Variants in TMPRSS11A observed in about 807,000 individuals in gnomAD.
The protein encoded by TMPRSS11A is transmembrane serine protease 11A.
A neutral mutation model predicts 58.9 loss-of-function variants in TMPRSS11A; 53 were observed. The observed-to-expected ratio is 0.90, with a 90% confidence interval of 0.72 to 1.13. TMPRSS11A has a LOEUF of 1.13. Ranked by LOEUF, TMPRSS11A falls within the 50% of genes most tolerant of loss-of-function variation. The pLI, the probability that TMPRSS11A is intolerant of heterozygous loss-of-function variation, is 0.00. For missense variants in TMPRSS11A, 493 were observed against 499.3 expected (o/e 0.99, Z 0.12); for synonymous variants, 167 against 169.8 (o/e 0.98, Z 0.13).
In TMPRSS11A at chr4:67,910,556, T is replaced by G. The variant is rs915671391; in HGVS notation, c.*786A>C. ...ATGTCAAATTTCTTATGCCGGTGTTTTGGGACTAATGAAATTACCATCACC... is the reference window on the plus strand; with the variant it reads ...ATGTCAAATTTCTTATGCCGGTGTTGTGGGACTAATGAAATTACCATCACC... On this transcript the variant is annotated 3_prime_UTR_variant, in exon 10 of 10. Coordinates refer to ENST00000508048, the MANE Select transcript of TMPRSS11A (RefSeq NM_001114387.2). 2.0e-5 allele frequency: 3 copies of G among 152,078 alleles called. No individual in the cohort carries two copies. Among genetic ancestry groups the G allele is most frequent in the Admixed American group, 6.6e-5 (1 of 15,266 alleles). The allele number at this position is 152,078 out of a possible 1,614,324, so 9.4% of individuals were successfully genotyped here. A position where few individuals can be genotyped will look rare whatever the true frequency, so the allele number is the denominator to read the frequency against.
intron 1 of TMPRSS11A, 94 bp downstream of exon 1, chr4:67,963,289 G>A (rs924129768): frequency 2.3e-6 from 3 of 1,286,420 alleles, no homozygotes; most frequent in African/African-American, 1.5e-5. Context: ...ATCCACCAAA[G>A]ACACCTCACT....
At chr4:67,915,586 A>G (rs953878979) in intron 8 of TMPRSS11A, among the ~76,000 whole-genome samples, 1 of 152,234 alleles carries the variant, frequency 6.6e-6, no homozygotes. Flanking sequence ...GAATTCATCA[A>G]AAGGAGATTA....
intron 1 of TMPRSS11A, among the ~76,000 whole-genome samples, chr4:67,950,317 C>G (rs967555537): frequency 6.6e-6 from 1 of 152,224 alleles, no homozygotes; most frequent in Non-Finnish European, 1.5e-5. Flanking sequence ...AGAGGCCTCT[C>G]TCAGCTCCCA....
intron 9 of TMPRSS11A, 67 bp from the exon 10 acceptor site, chr4:67,911,570 T>C: frequency 7.5e-7 from 1 of 1,333,420 alleles, no homozygotes; most frequent in African/African-American, 1.5e-5. Context: ...ATTTAAGATA[T>C]TTTGATGAAT....
chr4:67,939,091 A>G (rs1292728836), intron 3 of TMPRSS11A, among the ~76,000 whole-genome samples: 1 of 152,046 alleles, frequency 6.6e-6, no homozygotes, highest in Non-Finnish European at 1.5e-5. Flanking sequence ...GATTTCTTTC[A>G]ATAGTGTTTT....
At chr4:67,919,373 A>G (rs1720258381) in intron 7 of TMPRSS11A, 141 bp from the exon 8 acceptor site, 1 of 708,068 alleles carries the variant, frequency 1.4e-6, no homozygotes, top group African/African-American at 1.8e-5. Flanking sequence ...TATCATTTAA[A>G]TATAATCTAT....
At chr4:67,917,800 T>C (rs1249683073) in intron 8 of TMPRSS11A, among the ~76,000 whole-genome samples, 2 of 152,164 alleles carry the variant, frequency 1.3e-5, no homozygotes, top group Admixed American at 6.5e-5. Context: ...CCCACCACTA[T>C]GAAGCAGAGA....
intron 3 of TMPRSS11A, among the ~76,000 whole-genome samples, chr4:67,932,972 C>T (rs760471971): frequency 6.6e-6 from 1 of 152,026 alleles, no homozygotes; most frequent in East Asian, 1.9e-4. Flanking sequence ...CCCTAGCACT[C>T]ACTTGGTAGA....
At chr4:67,915,372 A>G (rs1326757522) in intron 8 of TMPRSS11A, among the ~76,000 whole-genome samples, 1 of 152,138 alleles carries the variant, frequency 6.6e-6, no homozygotes, top group Non-Finnish European at 1.5e-5. Flanking sequence ...TTTATACCAA[A>G]CCATATATTG....
intron 7 of TMPRSS11A, 127 bp from the exon 8 acceptor site, chr4:67,919,359 C>T: frequency 1.2e-6 from 1 of 816,570 alleles, no homozygotes; most frequent in Non-Finnish European, 1.9e-6. Context: ...TTATAGTTTT[C>T]TTTTATCATT....
Position 67,948,053 on chromosome 4 carries a change from A to T in TMPRSS11A, c.12-1482T>A, listed in dbSNP as rs187409345. ...TTATGTGTATATATTGATAGCCTAA[A>T]TTTTTTTGGAAACAGAGGATATTTT... On this transcript the variant is annotated intron_variant, in intron 1 of 9. Transcript: ENST00000508048. Among the ~76,000 whole-genome samples, 13 of 151,656 alleles carry T rather than the reference A, an allele frequency of 8.6e-5. 1 individual carries two copies. Among genetic ancestry groups the T allele is most frequent in the African/African-American group, 2.9e-4 (12 of 41,284 alleles).
intron 3 of TMPRSS11A, among the ~76,000 whole-genome samples, 162 bp from the exon 4 acceptor site, chr4:67,932,222 G>A (rs1720644751): frequency 1.3e-5 from 2 of 152,202 alleles, no homozygotes; most frequent in South Asian, 4.2e-4. Context: ...ATCATTTGAT[G>A]AATTAAAAAA....
At chr4:67,937,604 A>G (rs571897440) in intron 3 of TMPRSS11A, among the ~76,000 whole-genome samples, 2 of 152,268 alleles carry the variant, frequency 1.3e-5, no homozygotes, top group East Asian at 1.9e-4. Flanking sequence ...TCTCCCCTCC[A>G]TCATTTTCCA....
intron 8 of TMPRSS11A, among the ~76,000 whole-genome samples, chr4:67,915,386 G>A (rs919373267): frequency 3.3e-5 from 5 of 152,028 alleles, no homozygotes. Flanking sequence ...TATATTGATT[G>A]GGAAACCATG....
At chr4:67,957,824 C>A (rs894400762) in intron 1 of TMPRSS11A, among the ~76,000 whole-genome samples, 2 of 152,022 alleles carry the variant, frequency 1.3e-5, no homozygotes, top group Non-Finnish European at 2.9e-5. Flanking sequence ...GCCTGGAGAC[C>A]TAGGAGGAAA....
At position 67,914,744 on chromosome 4, in the gene TMPRSS11A, A is replaced by G; in HGVS notation, c.953-14T>C. On this transcript the variant is annotated splice_polypyrimidine_tract_variant and intron_variant, in intron 8 of 9. Transcript: ENST00000508048. ...TTTGGGATTCCCCTTAAGGAAAAAT[A>G]GAGTTATTCTAGTATTTACAATCAG... 1.2e-6 allele frequency: 2 copies of G among 1,609,334 alleles called. No individual in the cohort carries two copies. The highest frequency in any genetic ancestry group is 1.1e-5 in the South Asian group (1 of 90,344).
chr4:67,947,612 G>T (rs538887068), intron 1 of TMPRSS11A, among the ~76,000 whole-genome samples: 5 of 152,256 alleles, frequency 3.3e-5, no homozygotes, highest in African/African-American at 7.2e-5. Flanking sequence ...ATACTTCAAA[G>T]GTGGTGCTGT....
At chr4:67,914,429 A>C (rs1720090949) in intron 9 of TMPRSS11A, among the ~76,000 whole-genome samples, 159 bp downstream of exon 9, 1 of 152,248 alleles carries the variant, frequency 6.6e-6, no homozygotes, top group South Asian at 2.1e-4. Context: ...TTATCTTAAT[A>C]AAACATTTAA....
intron 1 of TMPRSS11A, among the ~76,000 whole-genome samples, chr4:67,950,749 T>C (rs773461597): frequency 1.1e-4 from 17 of 152,190 alleles, no homozygotes; most frequent in Non-Finnish European, 1.9e-4. Flanking sequence ...AACTATTCGA[T>C]GAGAAGGGAA....
Sources: allele counts gnomAD v4.1 joint callset (sites outside exome capture counted in the v4.1 genomes callset), GRCh38; gene constraint gnomAD v4.1.1; transcripts MANE v1.5; gene names NCBI Gene and HGNC (gene_info 2026-07-23, HGNC 2026-07-21).